The following RABGAP1L variants were observed in gnomAD, a reference collection of about 807,000 sequenced individuals.
RABGAP1L encodes RAB GTPase activating protein 1 like, also known as rab GTPase-activating protein 1-like.
A neutral mutation model predicts 137.7 loss-of-function variants in RABGAP1L; 63 were observed. The ratio of observed to expected loss-of-function variants is 0.46; its 90% confidence interval spans 0.37 to 0.56. RABGAP1L has a LOEUF of 0.56. RABGAP1L is among the 20% of genes least tolerant of loss of function. The pLI is 0.00. For synonymous variants in RABGAP1L, 431 were observed against 433.7 expected (o/e 0.99, Z 0.08); for missense variants, 1,095 against 1,244.0 (o/e 0.88, Z 1.80).
intron 13 of RABGAP1L, among the ~76,000 whole-genome samples, chr1:174,403,704 G>A (rs2860959): frequency 0.35 from 53,489 of 151,762 alleles, 12,074 homozygotes; most frequent in African/African-American, 0.64. Flanking sequence ...CATGTGTTAG[G>A]TAACTTCCAG....
At chr1:174,903,173 G>A (rs961423454) in intron 19 of RABGAP1L, among the ~76,000 whole-genome samples, 4 of 152,162 alleles carry the variant, frequency 2.6e-5, no homozygotes, top group African/African-American at 9.7e-5. Flanking sequence ...AAACTTCCTA[G>A]AATTCCAAGA....
intron 12 of RABGAP1L, among the ~76,000 whole-genome samples, chr1:174,383,340 T>G (rs1428927170): frequency 6.6e-6 from 1 of 151,666 alleles, no homozygotes; most frequent in Non-Finnish European, 1.5e-5. Flanking sequence ...TCCTGGCTGC[T>G]TTGTTTACCT....
At chr1:174,533,943 A>T (rs1664659047) in intron 13 of RABGAP1L, among the ~76,000 whole-genome samples, 1 of 144,696 alleles carries the variant, frequency 6.9e-6, no homozygotes, top group Admixed American at 6.7e-5. Context: ...AAGTGCTGGG[A>T]TTACAGGCAT....
intron 1 of RABGAP1L, among the ~76,000 whole-genome samples, chr1:174,186,645 C>T (rs1666825824): frequency 6.6e-6 from 1 of 152,084 alleles, no homozygotes; most frequent in Non-Finnish European, 1.5e-5. Flanking sequence ...TGACCTGTTA[C>T]TACTCAGTTC....
chr1:174,498,985 A>G lies in RABGAP1L; in HGVS notation c.1710+104840A>G, dbSNP rs373932106. On this transcript the variant is annotated intron_variant, in intron 13 of 25. Transcript: ENST00000681986. ...TTGGATAACATTAGGAATTATTTTAATAAGTAGAGTAGGTTTTCTAATTAT... is the reference window on the plus strand; with the variant it reads ...TTGGATAACATTAGGAATTATTTTAGTAAGTAGAGTAGGTTTTCTAATTAT... Among the ~76,000 whole-genome samples the G allele has an allele frequency of 2.2e-4, 34 of 152,206 alleles. No homozygotes were observed. In the South Asian group the frequency reaches 7.0e-3, roughly 32 times the overall value.
At chr1:174,548,100 A>G in intron 13 of RABGAP1L, 1 of 1,540,922 alleles carries the variant, frequency 6.5e-7, no homozygotes, top group East Asian at 2.5e-5. Flanking sequence ...CTTTCTTTGC[A>G]TGGGAGGTTG....
intron 13 of RABGAP1L, among the ~76,000 whole-genome samples, chr1:174,541,032 A>C (rs1466682581): frequency 6.6e-6 from 1 of 152,016 alleles, no homozygotes; most frequent in African/African-American, 2.4e-5. Context: ...TTGGATTCCT[A>C]GGTATTTTAT....
At chr1:174,739,141 A>T (rs1460839050) in intron 17 of RABGAP1L, among the ~76,000 whole-genome samples, 3 of 152,166 alleles carry the variant, frequency 2.0e-5, no homozygotes, top group African/African-American at 7.2e-5. Flanking sequence ...CCTCCATTAG[A>T]TAGGTACCTT....
intron 10 of RABGAP1L, among the ~76,000 whole-genome samples, chr1:174,294,808 G>C (rs528234685): frequency 6.6e-6 from 1 of 152,198 alleles, no homozygotes; most frequent in East Asian, 1.9e-4. Context: ...AAGGAAGAAA[G>C]GTGTGATTAT....
At chr1:174,893,277 C>G (rs1656576040) in intron 19 of RABGAP1L, 1 of 152,440 alleles carries the variant, frequency 6.6e-6, no homozygotes, top group Non-Finnish European at 1.5e-5. Flanking sequence ...GTTTTAAAAA[C>G]TGCTTCAGTT....
At chr1:174,362,856 A>C (rs900310005) in intron 11 of RABGAP1L, among the ~76,000 whole-genome samples, 4 of 152,080 alleles carry the variant, frequency 2.6e-5, no homozygotes, top group Admixed American at 6.6e-5. Context: ...TCATCATGAA[A>C]TATTTGTGCC....
intron 17 of RABGAP1L, among the ~76,000 whole-genome samples, chr1:174,729,672 A>G (rs1682296716): frequency 6.6e-6 from 1 of 152,224 alleles, no homozygotes; most frequent in Non-Finnish European, 1.5e-5. Flanking sequence ...ACACGAACAG[A>G]CACTTCTCAA....
At chr1:174,280,585 T>C (rs1174142009) in intron 10 of RABGAP1L, among the ~76,000 whole-genome samples, 1 of 152,212 alleles carries the variant, frequency 6.6e-6, no homozygotes, top group African/African-American at 2.4e-5. Context: ...AGCAGAACTT[T>C]ATGTGTGGGC....
At chr1:174,694,160 C>A (rs1679076586) in intron 15 of RABGAP1L, among the ~76,000 whole-genome samples, 1 of 152,052 alleles carries the variant, frequency 6.6e-6, no homozygotes, top group Non-Finnish European at 1.5e-5. Flanking sequence ...TGGTTACCTG[C>A]AAATACTGTA....
intron 15 of RABGAP1L, among the ~76,000 whole-genome samples, chr1:174,697,709 G>C (rs536566510): frequency 6.6e-6 from 1 of 152,304 alleles, no homozygotes; most frequent in South Asian, 2.1e-4. Context: ...CTTGGTAAGA[G>C]AAGTATTCTT....
At chr1:174,357,145 C>A (rs1269055118) in intron 11 of RABGAP1L, among the ~76,000 whole-genome samples, 1 of 152,122 alleles carries the variant, frequency 6.6e-6, no homozygotes, top group Non-Finnish European at 1.5e-5. Context: ...CTAAGTTAAG[C>A]GTAGTCTCTC....
intron 19 of RABGAP1L, among the ~76,000 whole-genome samples, chr1:174,876,731 C>G (rs1653169422): frequency 6.6e-6 from 1 of 152,124 alleles, no homozygotes; most frequent in Non-Finnish European, 1.5e-5. Flanking sequence ...ATAAATGAGA[C>G]TCTTGTATTG....
In RABGAP1L at chr1:174,274,418, G is replaced by C. The variant is rs997365228; in HGVS notation, c.1054-1415G>C. On this transcript the variant is annotated intron_variant, in intron 8 of 25. Transcript: ENST00000681986. Reference sequence around the variant, plus strand: ...TGTGTTTAGGTACACAAATGGTATTGTTATAGTTGCTATAGTATTTGGTAC... The same window carrying C: ...TGTGTTTAGGTACACAAATGGTATTCTTATAGTTGCTATAGTATTTGGTAC... Among the ~76,000 whole-genome samples the C allele has an allele frequency of 2.0e-5, 3 of 152,214 alleles. No individual in the cohort carries two copies. The South Asian group carries it at 6.2e-4, about 32-fold the overall frequency.
At chr1:174,720,363 G>A (rs1249536572) in intron 17 of RABGAP1L, among the ~76,000 whole-genome samples, 1 of 151,748 alleles carries the variant, frequency 6.6e-6, no homozygotes, top group Non-Finnish European at 1.5e-5. Flanking sequence ...GAGTGCAGTG[G>A]CACGATCTCA....
Sources: allele counts gnomAD v4.1 joint callset (sites outside exome capture counted in the v4.1 genomes callset), GRCh38; gene constraint gnomAD v4.1.1; transcripts MANE v1.5; gene names NCBI Gene and HGNC (gene_info 2026-07-23, HGNC 2026-07-21).